The following ERCC6 variants were observed in gnomAD, a reference collection of about 807,000 sequenced individuals.
ERCC6 encodes the protein ERCC excision repair 6, chromatin remodeling factor, also known as DNA excision repair protein ERCC-6.
A neutral mutation model predicts 158.7 loss-of-function variants in ERCC6; 116 were observed. That is an observed-to-expected ratio of 0.73 (90% CI 0.63 to 0.85). The LOEUF is 0.85. Among genes scored for constraint, ERCC6 ranks in the 40% least tolerant of loss-of-function variants. The probability of loss-of-function intolerance (pLI) is 0.00; values close to 1 mark genes in which losing one functional copy is unlikely to be tolerated. For synonymous variants in ERCC6, 678 were observed against 659.3 expected (o/e 1.03, Z -0.43); for missense variants, 1,698 against 1,799.4 (o/e 0.94, Z 1.02).
intron 11 of ERCC6, among the ~76,000 whole-genome samples, chr10:49,476,988 T>C (rs1590411915): frequency 6.6e-6 from 1 of 152,068 alleles, no homozygotes; most frequent in East Asian, 1.9e-4. Flanking sequence ...TGCAGACCTA[T>C]GGTCAGTGCC....
At chr10:49,504,845 C>T (rs1232281889) in intron 6 of ERCC6, 1 of 152,086 alleles carries the variant, frequency 6.6e-6, no homozygotes, top group Non-Finnish European at 1.5e-5. Flanking sequence ...TAGAGTTTGG[C>T]TTTCTATAAT....
intron 7 of ERCC6, among the ~76,000 whole-genome samples, chr10:49,497,587 C>T (rs1189435872): frequency 6.6e-6 from 1 of 152,158 alleles, no homozygotes; most frequent in Non-Finnish European, 1.5e-5. Flanking sequence ...GATTTTCACG[C>T]TGAGTTGAGA....
chr10:49,510,288 G>A (rs543057449), intron 5 of ERCC6, among the ~76,000 whole-genome samples: 2 of 152,274 alleles, frequency 1.3e-5, no homozygotes, highest in East Asian at 1.9e-4. Context: ...AGAATTTTCA[G>A]CATTCCAAGG....
intron 5 of ERCC6, chr10:49,516,184 G>A: frequency 6.2e-7 from 1 of 1,614,154 alleles, no homozygotes; most frequent in Non-Finnish European, 8.5e-7. Context: ...TGATACGGCT[G>A]AAACCAGCAA....
chr10:49,537,305 TGCACTCCA>T (rs1564449272), intron 1 of ERCC6, among the ~76,000 whole-genome samples: 5 of 140,820 alleles, frequency 3.6e-5, no homozygotes, highest in African/African-American at 1.4e-4. Context: ...ATCGCACCAC[TGCACTCCA>T]GCCTGGGCGA....
chr10:49,461,373 G>A lies in ERCC6; in HGVS notation c.3962C>T (p.Ser1321Phe). ...TTACTTTTTTCCTGCTGGTGCACCAGAAATCCCCCTGTGGCCAGTCCAGGT... is the reference window on the plus strand; with the variant it reads ...TTACTTTTTTCCTGCTGGTGCACCAAAAATCCCCCTGTGGCCAGTCCAGGT... The part of the protein sequence containing the change: ...VPTWTGHRGI[S>F]GAPAGKKSRF... The change falls in exon 19 of 21, where the codon TCT becomes TTT. Residue 1321 changes from serine to phenylalanine, a missense_variant. Transcript: ENST00000355832. 6.2e-7 allele frequency: 1 copy of A among 1,613,554 alleles called. No individual in the cohort carries two copies. Among genetic ancestry groups the A allele is most frequent in the African/African-American group, 1.3e-5 (1 of 75,010 alleles).
At chr10:49,441,725 G>A in the ERCC6 span, among the ~76,000 whole-genome samples, 53 of 152,300 alleles carry the variant, frequency 3.5e-4, no homozygotes, top group East Asian at 6.8e-3. Flanking sequence ...TGGGCCCAAC[G>A]CTGTCCGCCC....
chr10:49,528,392 G>C (rs751227370), intron 4 of ERCC6, 25 bp downstream of exon 4: 1 of 1,613,520 alleles, frequency 6.2e-7, no homozygotes, highest in Non-Finnish European at 8.5e-7. Flanking sequence ...CAAGAACACA[G>C]AGAAACTGCT....
intron 6 of ERCC6, chr10:49,503,276 C>T (rs973800080): frequency 2.0e-5 from 3 of 152,056 alleles, no homozygotes; most frequent in African/African-American, 7.2e-5. Flanking sequence ...TTCTGTGTGG[C>T]CCAGGAAAGG....
At chr10:49,523,629 C>G (rs550462450) in intron 5 of ERCC6, among the ~76,000 whole-genome samples, 41 of 152,302 alleles carry the variant, frequency 2.7e-4, no homozygotes, top group African/African-American at 8.7e-4. Context: ...TCTAAAATTA[C>G]TTTCCTGCTT....
rs773120316 is a variant in ERCC6 at position 49,474,030 on chromosome 10, C to T, written c.2595G>A (p.Arg865=). ...CGTCTGAAGTCTGTGCACTCACCTG[C>T]CTTGACTGAGAAAACAGCAATACTC... ...GQRVLLFSQS[R]QMLDILEVFL... is the part of the protein sequence containing the mutation. Residue 865 remains arginine, a synonymous_variant, in exon 13 of 21, where the codon AGG becomes AGA. Coordinates refer to ENST00000355832, the MANE Select transcript of ERCC6 (RefSeq NM_000124.4). The T allele has an allele frequency of 6.8e-6, 11 of 1,613,850 alleles. No individual in the cohort carries two copies. Among genetic ancestry groups the T allele is most frequent in the Admixed American group, 5.0e-5 (3 of 60,026 alleles).
In ERCC6 at chr10:49,498,768, A is replaced by G. The variant is rs142582273; in HGVS notation, c.1685+1770T>C. Among the ~76,000 whole-genome samples the G allele has an allele frequency of 8.3e-4, 126 of 152,308 alleles. 1 individual carries two copies. The highest frequency in any genetic ancestry group is 2.8e-3 in the African/African-American group (116 of 41,574). On this transcript the variant is annotated intron_variant, in intron 7 of 20. Transcript: ENST00000355832. ...AGAGCATGTTTTAATTTTTAGATCA[A>G]AACTACACTGCAGGGATGACTTTAG...
intron 10 of ERCC6, among the ~76,000 whole-genome samples, chr10:49,479,840 T>G (rs1430669933): frequency 6.6e-6 from 1 of 152,200 alleles, no homozygotes; most frequent in Admixed American, 6.5e-5. Flanking sequence ...CACTCCCAAC[T>G]GGCTCCCAGT....
chr10:49,524,886 A>T (rs1177242320), intron 4 of ERCC6, 109 bp from the exon 5 acceptor site: 1 of 1,539,844 alleles, frequency 6.5e-7, no homozygotes, highest in Non-Finnish European at 8.7e-7. Flanking sequence ...TAACTCATAT[A>T]AAAAAAGAAT....
intron 20 of ERCC6, 58 bp downstream of exon 20, chr10:49,460,315 T>TCA (rs987642854): frequency 1.6e-6 from 2 of 1,231,092 alleles, no homozygotes; most frequent in Admixed American, 3.4e-5. Context: ...GGTGAAATTT[T>TCA]CACAGCATTC....
At chr10:49,526,094 TATATTTATATATTTATATATTTTTATATA>T in intron 4 of ERCC6, among the ~76,000 whole-genome samples, 2 of 103,574 alleles carry the variant, frequency 1.9e-5, no homozygotes, top group East Asian at 4.0e-4. Flanking sequence ...TTTATATTTA[TATATTTATATATTTATATATTTTTATATA>T]TATATATATA....
Position 49,518,798 on chromosome 10 carries a change from G to A in ERCC6, c.1397+5235C>T, listed in dbSNP as rs1015498190. 6.6e-5 allele frequency among the ~76,000 whole-genome samples: 10 copies of A among 152,166 alleles called. No homozygotes were observed. The South Asian group carries it at 1.9e-3, about 28-fold the overall frequency. ...GTGCTCAGGGGAAGGACAATGAAGAGTATTATCTTCGCAGGAGATTATGTC... is the reference window on the plus strand; with the variant it reads ...GTGCTCAGGGGAAGGACAATGAAGAATATTATCTTCGCAGGAGATTATGTC... On this transcript the variant is annotated intron_variant, in intron 5 of 20. Coordinates refer to ENST00000355832, the MANE Select transcript of ERCC6 (RefSeq NM_000124.4).
intron 8 of ERCC6, 83 bp from the exon 9 acceptor site, chr10:49,483,599 T>C: frequency 1.5e-6 from 2 of 1,350,664 alleles, no homozygotes; most frequent in South Asian, 2.4e-5. Flanking sequence ...AAGTACTTTA[T>C]AAAAATGCAC....
intron 5 of ERCC6, among the ~76,000 whole-genome samples, chr10:49,507,860 T>C (rs1170609156): frequency 6.6e-6 from 1 of 152,156 alleles, no homozygotes; most frequent in Non-Finnish European, 1.5e-5. Context: ...GTCAATAATG[T>C]CAAAGCCAAG....
Sources: allele counts gnomAD v4.1 joint callset (sites outside exome capture counted in the v4.1 genomes callset), GRCh38; gene constraint gnomAD v4.1.1; transcripts MANE v1.5; gene names NCBI Gene and HGNC (gene_info 2026-07-23, HGNC 2026-07-21).